PRKN: variants seen among roughly 807,000 people sequenced by gnomAD.
The protein encoded by PRKN is E3 ubiquitin-protein ligase parkin.
A neutral mutation model predicts 59.5 loss-of-function variants in PRKN; 56 were observed. The observed-to-expected ratio is 0.94, with a 90% CI of 0.76 to 1.18. PRKN has a LOEUF of 1.18. Among genes scored for constraint, PRKN ranks in the 50% most tolerant of loss-of-function variants. The pLI is 0.00. For synonymous variants in PRKN, 250 were observed against 222.1 expected (o/e 1.13, Z -1.12); for missense variants, 657 against 596.4 (o/e 1.10, Z -1.06).
At chr6:162,253,172 C>T (rs908430319) in intron 3 of PRKN, among the ~76,000 whole-genome samples, 3 of 152,138 alleles carry the variant, frequency 2.0e-5, no homozygotes, top group Admixed American at 2.0e-4. Context: ...AAGAGAGGAG[C>T]ATATCTATCG....
intron 7 of PRKN, among the ~76,000 whole-genome samples, chr6:161,678,813 C>T (rs957698698): frequency 1.1e-4 from 16 of 152,120 alleles, no homozygotes; most frequent in South Asian, 2.1e-4. Flanking sequence ...GCAATCCACG[C>T]ACCTTGGCCT....
rs565636510 is a variant in PRKN at position 161,563,235 on chromosome 6, A to C, written c.933+6120T>G. ...CATCCTAGCATCAATTATGATCAGT[A>C]ACTGTGACTTCCTCATTTACTATTT... On this transcript the variant is annotated intron_variant, in intron 8 of 11. Transcript: ENST00000366898. Among the ~76,000 whole-genome samples, 237 of 152,282 alleles carry C rather than the reference A, an allele frequency of 1.6e-3. 2 individuals carry two copies. The highest frequency in any genetic ancestry group is 3.4e-3 in the Middle Eastern group (1 of 294).
chr6:161,437,195 G>A (rs1044517154), intron 9 of PRKN, among the ~76,000 whole-genome samples: 16 of 152,148 alleles, frequency 1.1e-4, no homozygotes, highest in East Asian at 3.8e-4. Flanking sequence ...CACAAGCTAC[G>A]TGAATGTGGA....
At chr6:161,788,011 A>G (rs936216422) in intron 6 of PRKN, among the ~76,000 whole-genome samples, 3 of 152,200 alleles carry the variant, frequency 2.0e-5, no homozygotes, top group Non-Finnish European at 2.9e-5. Context: ...CAGAGCCTAA[A>G]TGGTCAGCCC....
chr6:161,738,170 A>G (rs1456010635), intron 7 of PRKN, among the ~76,000 whole-genome samples: 1 of 152,180 alleles, frequency 6.6e-6, no homozygotes, highest in Admixed American at 6.5e-5. Flanking sequence ...AGTAAAATAT[A>G]CTTTCATTTC....
rs1324177216 is a variant in PRKN, at chr6:161,579,192, C to T, written c.872-9776G>A. On this transcript the variant is annotated intron_variant, in intron 7 of 11. Transcript: ENST00000366898. The surrounding 1 kb of genome is among the most constrained non-coding windows in gnomAD (Gnocchi z 4.2). ...GTGCTCTCTTTAATATGTTTTTCCACAGATTATGGTGGTTGGTTGGTTACC... is the reference window on the plus strand; with the variant it reads ...GTGCTCTCTTTAATATGTTTTTCCATAGATTATGGTGGTTGGTTGGTTACC... 2.0e-5 allele frequency among the ~76,000 whole-genome samples: 3 copies of T among 152,180 alleles called. No homozygotes were observed. Among genetic ancestry groups the T allele is most frequent in the Admixed American group, 1.3e-4 (2 of 15,280 alleles).
intron 6 of PRKN, among the ~76,000 whole-genome samples, chr6:161,825,761 A>G (rs891839089): frequency 5.3e-5 from 8 of 151,946 alleles, no homozygotes; most frequent in Admixed American, 4.6e-4. Context: ...GGGAGACAGG[A>G]GGATTCTGGG....
intron 9 of PRKN, among the ~76,000 whole-genome samples, chr6:161,532,194 T>A (rs923547332): frequency 6.7e-6 from 1 of 148,822 alleles, no homozygotes; most frequent in East Asian, 1.9e-4. Flanking sequence ...ATATATATAA[T>A]CTATCTATGT....
At chr6:162,469,260 C>T (rs553266863) in intron 1 of PRKN, among the ~76,000 whole-genome samples, 81 of 144,536 alleles carry the variant, frequency 5.6e-4, no homozygotes, top group African/African-American at 1.7e-3. Context: ...GAGATGGACA[C>T]GAGGATCCTT....
At chr6:161,734,171 C>A (rs1459749331) in intron 7 of PRKN, among the ~76,000 whole-genome samples, 1 of 152,048 alleles carries the variant, frequency 6.6e-6, no homozygotes, top group African/African-American at 2.4e-5. Flanking sequence ...AAGTACTGTA[C>A]CTCGGTTTTC....
intron 1 of PRKN, among the ~76,000 whole-genome samples, chr6:162,500,181 T>C (rs1181505673): frequency 6.6e-6 from 1 of 151,224 alleles, no homozygotes; most frequent in Non-Finnish European, 1.5e-5. Flanking sequence ...TCTTTTTTTT[T>C]TTTTTTTTGG....
intron 1 of PRKN, among the ~76,000 whole-genome samples, chr6:162,635,569 CTTG>C (rs1237256901): frequency 3.4e-5 from 5 of 145,688 alleles, no homozygotes; most frequent in African/African-American, 7.8e-5. Context: ...ATTATTTCAT[CTTG>C]TTATTAAGTT....
chr6:162,099,542 C>T (rs1779879494), intron 4 of PRKN, among the ~76,000 whole-genome samples: 1 of 152,074 alleles, frequency 6.6e-6, no homozygotes, highest in Admixed American at 6.6e-5. Flanking sequence ...ATAAAAGAGG[C>T]AACAGGATAA....
At chr6:161,894,947 C>T (rs534922524) in intron 6 of PRKN, among the ~76,000 whole-genome samples, 1 of 152,294 alleles carries the variant, frequency 6.6e-6, no homozygotes, top group Non-Finnish European at 1.5e-5. Flanking sequence ...ATTTGAAGCA[C>T]CTCCAAAATC....
intron 2 of PRKN, among the ~76,000 whole-genome samples, chr6:162,387,302 T>A (rs1277276655): frequency 2.0e-5 from 3 of 151,034 alleles, no homozygotes; most frequent in Non-Finnish European, 4.4e-5. Flanking sequence ...ATTTTTATAC[T>A]AAAGGTTATT....
intron 2 of PRKN, among the ~76,000 whole-genome samples, chr6:162,402,205 C>T (rs150525099): frequency 4.5e-4 from 67 of 150,144 alleles, no homozygotes; most frequent in African/African-American, 1.5e-3. Context: ...GCTGAGATTG[C>T]ACCACTGCAC....
At position 161,369,471 on chromosome 6, in the gene PRKN, A is replaced by G. The variant is rs368669031; in HGVS notation, c.1168-9266T>C. 1.6e-3 allele frequency among the ~76,000 whole-genome samples: 246 copies of G among 152,318 alleles called. 1 individual carries two copies. Among genetic ancestry groups the G allele is most frequent in the African/African-American group, 5.6e-3 (233 of 41,578 alleles). On this transcript the variant is annotated intron_variant, in intron 10 of 11. Coordinates refer to ENST00000366898, the MANE Select transcript of PRKN (RefSeq NM_004562.3). This position sits in a 1 kb window ranked among gnomAD's most constrained non-coding sequence, Gnocchi z 5.8. ...CTTACCCTCTGTTCCCGCCTTAGTC[A>G]TCAAGCTCTAAAGCAATGCCTGCTT...
rs1355890973 is a variant in PRKN at position 161,526,348 on chromosome 6, T to C, written c.1083+22506A>G. Among the ~76,000 whole-genome samples, 1 of 152,260 alleles carries C rather than the reference T, an allele frequency of 6.6e-6. No individual in the cohort carries two copies. The highest frequency in any genetic ancestry group is 1.5e-5 in the Non-Finnish European group (1 of 68,044). On this transcript the variant is annotated intron_variant, in intron 9 of 11. Coordinates refer to ENST00000366898, the MANE Select transcript of PRKN (RefSeq NM_004562.3). The surrounding 1 kb of genome is among the most constrained non-coding windows in gnomAD (Gnocchi z 4.1). ...CAGATTACAGTTGCTTATTGTATTG[T>C]ACTTGAGTATTGAATAATTGCTTCT...
Position 162,056,688 on chromosome 6 carries a change from C to T in PRKN, c.535-2514G>A, listed in dbSNP as rs927534644. Among the ~76,000 whole-genome samples, 1 of 152,170 alleles carries T rather than the reference C, an allele frequency of 6.6e-6. No individual in the cohort carries two copies. Among genetic ancestry groups the T allele is most frequent in the Non-Finnish European group, 1.5e-5 (1 of 68,022 alleles). ...CGTCCACATCATTCCCTTACTGCTA[C>T]GGGTGGTGTGCAGAGCCTGAACTGT... is the stretch of plus-strand genomic sequence containing the variant. On this transcript the variant is annotated intron_variant, in intron 4 of 11. Coordinates refer to ENST00000366898, the MANE Select transcript of PRKN (RefSeq NM_004562.3). The surrounding 1 kb of genome is among the most constrained non-coding windows in gnomAD (Gnocchi z 4.9).
Sources: gnomAD v4.1 joint callset for allele counts (sites outside exome capture counted in the v4.1 genomes callset) on GRCh38, gnomAD v4.1.1 for gene constraint, Gnocchi (gnomAD v3.1) non-coding constraint, MANE v1.5 for transcripts, NCBI Gene and HGNC (gene_info 2026-07-23, HGNC 2026-07-21) for gene names.